TRPM3: variants seen among roughly 807,000 people sequenced by gnomAD.
TRPM3 encodes transient receptor potential cation channel subfamily M member 3, also known as long transient receptor potential channel 3.
TRPM3 carries 77 observed loss-of-function variants against 181.2 expected under a neutral mutation model. The observed-to-expected ratio is 0.42, with a 90% CI of 0.35 to 0.51. The LOEUF is 0.51. Ranked by LOEUF, TRPM3 falls within the 20% of genes least tolerant of loss-of-function variation. TRPM3 has a pLI of 0.01. For synonymous variants in TRPM3, 745 were observed against 796.4 expected, an observed-to-expected ratio of 0.94 and a Z score of 1.09; for missense variants, 1,759 against 2,196.7, an observed-to-expected ratio of 0.80 and a Z score of 3.98.
At chr9:71,321,622 A>G (rs1354282500) in intron 1 of TRPM3, among the ~76,000 whole-genome samples, 1 of 152,150 alleles carries the variant, frequency 6.6e-6, no homozygotes, top group East Asian at 1.9e-4. Flanking sequence ...ATGTATCACA[A>G]ATGTTTCATT....
At chr9:71,370,455 G>T (rs1565506543) in intron 1 of TRPM3, among the ~76,000 whole-genome samples, 1 of 151,530 alleles carries the variant, frequency 6.6e-6, no homozygotes, top group African/African-American at 2.4e-5. Flanking sequence ...CTGATATGGA[G>T]AAAGTTTTAG....
At chr9:71,152,861 T>A in intron 1 of TRPM3, among the ~76,000 whole-genome samples, 1 of 152,222 alleles carries the variant, frequency 6.6e-6, no homozygotes, top group East Asian at 1.9e-4. Flanking sequence ...CTATTCCATT[T>A]CAGGCACTGT....
intron 7 of TRPM3, chr9:70,776,241 A>T (rs1471036658): frequency 4.6e-6 from 2 of 437,566 alleles, no homozygotes; most frequent in Non-Finnish European, 4.0e-6. Flanking sequence ...GACTTTAAAA[A>T]AGTAAAAATC....
intron 1 of TRPM3, among the ~76,000 whole-genome samples, chr9:71,165,542 G>A (rs1406175354): frequency 6.6e-6 from 1 of 152,076 alleles, no homozygotes; most frequent in Admixed American, 6.6e-5. Context: ...CGTGCCACCA[G>A]GAGTGTTCCT....
At chr9:70,827,821 T>C (rs1588924860) in intron 6 of TRPM3, 26 bp downstream of exon 6, 6 of 1,610,738 alleles carry the variant, frequency 3.7e-6, no homozygotes, top group East Asian at 2.2e-5. Context: ...CTACGAGCCA[T>C]GCCAGTGGGA....
At chr9:71,416,633 A>T (rs2093641313) in intron 1 of TRPM3, among the ~76,000 whole-genome samples, 2 of 151,978 alleles carry the variant, frequency 1.3e-5, no homozygotes, top group Admixed American at 6.6e-5. Flanking sequence ...TTTAGGTACA[A>T]TCACATTAAC....
chr9:70,897,829 T>C (rs1008466990), intron 1 of TRPM3, among the ~76,000 whole-genome samples: 3 of 152,184 alleles, frequency 2.0e-5, no homozygotes, highest in Non-Finnish European at 4.4e-5. Flanking sequence ...ATTGTTGTAA[T>C]AGCGCATTGG....
chr9:70,932,788 G>A (rs572351805), intron 1 of TRPM3, among the ~76,000 whole-genome samples: 2 of 152,296 alleles, frequency 1.3e-5, no homozygotes, highest in South Asian at 4.1e-4. Flanking sequence ...ACCACAGGAT[G>A]CCTCTGAAGG....
chr9:70,749,703 A>G (rs2075791464), intron 8 of TRPM3, among the ~76,000 whole-genome samples: 1 of 152,256 alleles, frequency 6.6e-6, no homozygotes, highest in Non-Finnish European at 1.5e-5. Context: ...TTCATAAACA[A>G]GTAGTACTAA....
intron 1 of TRPM3, among the ~76,000 whole-genome samples, chr9:71,142,922 G>T (rs1286093711): frequency 6.6e-6 from 1 of 150,752 alleles, no homozygotes; most frequent in Non-Finnish European, 1.5e-5. Context: ...AGACCATCCT[G>T]GGAACCATAG....
chr9:70,932,371 G>T (rs1162722409), intron 1 of TRPM3, among the ~76,000 whole-genome samples: 1 of 151,992 alleles, frequency 6.6e-6, no homozygotes, highest in Non-Finnish European at 1.5e-5. Context: ...CTATTGAGTA[G>T]TTTTATCTTC....
At chr9:70,630,191 A>T (rs7041495) in intron 12 of TRPM3, among the ~76,000 whole-genome samples, 116,388 of 152,230 alleles carry the variant, frequency 0.76, 46,023 homozygotes, top group East Asian at 0.92. Context: ...CCTGACCCCA[A>T]GTGACCCTGG....
intron 1 of TRPM3, among the ~76,000 whole-genome samples, chr9:71,258,798 A>ATCTTGAAAGTTGCCC (rs1458091632): frequency 5.3e-5 from 8 of 152,194 alleles, no homozygotes; most frequent in Non-Finnish European, 8.8e-5. Flanking sequence ...TGGTCTCAGT[A>ATCTTGAAAGTTGCCC]TCTTGAAAGT....
chr9:71,359,729 T>A lies in TRPM3; in HGVS notation c.183+86924A>T, dbSNP rs777833576. On this transcript the variant is annotated intron_variant, in intron 1 of 24. Coordinates refer to the TRPM3 transcript ENST00000357533. ...ACATTAAGCAGAAAATTTCATTATT[T>A]TCAGGAGTCAGGGCAATTCAAATTC... Among the ~76,000 whole-genome samples, 6 of 152,140 alleles carry A rather than the reference T, an allele frequency of 3.9e-5. No individual in the cohort carries two copies. The East Asian group carries it at 1.2e-3, about 29-fold the overall frequency.
intron 7 of TRPM3, among the ~76,000 whole-genome samples, chr9:70,762,180 A>C (rs1230633686): frequency 6.6e-6 from 1 of 152,218 alleles, no homozygotes; most frequent in Non-Finnish European, 1.5e-5. Flanking sequence ...TTCATTAATA[A>C]GTTTTTGAAC....
intron 1 of TRPM3, among the ~76,000 whole-genome samples, chr9:71,396,922 C>T (rs56069301): frequency 0.015 from 2,201 of 150,548 alleles, 26 homozygotes; most frequent in Non-Finnish European, 0.022. Flanking sequence ...GCCTAGATCG[C>T]GCCACTGCAC....
intron 1 of TRPM3, among the ~76,000 whole-genome samples, chr9:70,948,292 T>C (rs2096958531): frequency 6.6e-6 from 1 of 152,148 alleles, no homozygotes; most frequent in African/African-American, 2.4e-5. Context: ...AAATTATTAT[T>C]ATTTTTTAGC....
intron 1 of TRPM3, among the ~76,000 whole-genome samples, chr9:71,247,621 GA>G (rs144652277): frequency 0.03 from 4,575 of 152,120 alleles, 206 homozygotes; most frequent in African/African-American, 0.1. Context: ...GAGGAACTCA[GA>G]GATGTCAAAG....
chr9:70,543,681 CA>C (rs984856246), intron 25 of TRPM3, among the ~76,000 whole-genome samples: 3 of 152,030 alleles, frequency 2.0e-5, no homozygotes, highest in African/African-American at 7.2e-5. Flanking sequence ...TGAAAAAGGG[CA>C]AAAAACTTAC....
Sources: gnomAD v4.1 joint callset for allele counts (sites outside exome capture counted in the v4.1 genomes callset) on GRCh38, gnomAD v4.1.1 for gene constraint, MANE v1.5 for transcripts, NCBI Gene and HGNC (gene_info 2026-07-23, HGNC 2026-07-21) for gene names.